Variants in PPP1R9A observed in about 807,000 individuals in gnomAD.
The protein encoded by PPP1R9A is protein phosphatase 1 regulatory subunit 9A, also known as neurabin-1.
A neutral mutation model predicts 141.9 loss-of-function variants in PPP1R9A; 59 were observed. That is an observed-to-expected ratio of 0.42 (90% CI 0.34 to 0.52). The LOEUF (loss-of-function observed/expected upper bound fraction) is 0.52, where lower values mean the gene tolerates loss of function less well. Among genes scored for constraint, PPP1R9A ranks in the 20% least tolerant of loss-of-function variants. PPP1R9A has a pLI of 0.10. For missense variants in PPP1R9A, 1,444 were observed against 1,611.9 expected (o/e 0.90, Z 1.78); for synonymous variants, 500 against 569.7 (o/e 0.88, Z 1.74).
chr7:94,967,649 G>A (rs2151189154), intron 2 of PPP1R9A, among the ~76,000 whole-genome samples: 1 of 151,246 alleles, frequency 6.6e-6, no homozygotes, highest in Non-Finnish European at 1.5e-5. Context: ...CTTTTTTTTT[G>A]TTTTGAGGTG....
At chr7:95,271,429 G>A (rs1411901795) in intron 14 of PPP1R9A, among the ~76,000 whole-genome samples, 1 of 152,176 alleles carries the variant, frequency 6.6e-6, no homozygotes, top group Non-Finnish European at 1.5e-5. Flanking sequence ...AGGTAAGAAA[G>A]TGAGGCAAAA....
chr7:95,009,714 T>A (rs1804142093), intron 2 of PPP1R9A, among the ~76,000 whole-genome samples: 1 of 152,168 alleles, frequency 6.6e-6, no homozygotes, highest in Non-Finnish European at 1.5e-5. Flanking sequence ...TGACAGCCAG[T>A]TGAAATGAAA....
chr7:95,228,735 T>C (rs1795492200), intron 8 of PPP1R9A, among the ~76,000 whole-genome samples: 1 of 152,196 alleles, frequency 6.6e-6, no homozygotes, highest in Non-Finnish European at 1.5e-5. Flanking sequence ...GTTAAACTAG[T>C]AAATTTCTAG....
At chr7:95,210,991 C>T (rs1791991531) in intron 7 of PPP1R9A, among the ~76,000 whole-genome samples, 1 of 151,578 alleles carries the variant, frequency 6.6e-6, no homozygotes, top group South Asian at 2.1e-4. Context: ...ACACTGGGGC[C>T]CGTCAGAGGG....
chr7:95,060,860 A>C (rs1812130568), intron 2 of PPP1R9A, among the ~76,000 whole-genome samples: 1 of 152,192 alleles, frequency 6.6e-6, no homozygotes. Context: ...TAACCTGACT[A>C]TACAGTCTCC....
chr7:95,102,931 A>AGTCATCTAG (rs2152408836), intron 2 of PPP1R9A, among the ~76,000 whole-genome samples: 1 of 152,316 alleles, frequency 6.6e-6, no homozygotes, highest in South Asian at 2.1e-4. Context: ...AGAGTCTATG[A>AGTCATCTAG]AGTATCTTTT....
chr7:95,219,467 G>A (rs1486312850), intron 7 of PPP1R9A, among the ~76,000 whole-genome samples: 1 of 152,080 alleles, frequency 6.6e-6, no homozygotes, highest in East Asian at 1.9e-4. Flanking sequence ...TCTTCTCAAG[G>A]AGTATCTTTG....
At chr7:94,948,015 A>G (rs1328419917) in intron 2 of PPP1R9A, among the ~76,000 whole-genome samples, 1 of 152,004 alleles carries the variant, frequency 6.6e-6, no homozygotes, top group Admixed American at 6.6e-5. Flanking sequence ...GGACCCATCC[A>G]CCTGATGCTC....
intron 2 of PPP1R9A, among the ~76,000 whole-genome samples, chr7:95,100,964 T>C (rs1818706055): frequency 6.8e-6 from 1 of 147,546 alleles, no homozygotes; most frequent in African/African-American, 2.5e-5. Flanking sequence ...GCCATTCTCC[T>C]GCCTCAGCCT....
intron 4 of PPP1R9A, among the ~76,000 whole-genome samples, chr7:95,152,688 TG>T (rs1384319078): frequency 6.6e-6 from 1 of 152,148 alleles, no homozygotes; most frequent in African/African-American, 2.4e-5. Flanking sequence ...TTCTTAAAAC[TG>T]TCCCTGCTAA....
chr7:94,908,708 G>A (rs1053192022), intron 1 of PPP1R9A: 2 of 152,280 alleles, frequency 1.3e-5, no homozygotes, highest in African/African-American at 2.4e-5. Flanking sequence ...GGAATGGGGG[G>A]TGTGTGTAGG....
At position 95,286,965 on chromosome 7, in the gene PPP1R9A, C is replaced by CT. The variant is rs3214161; in HGVS notation, c.3729+650dup. On this transcript the variant is annotated intron_variant, in intron 18 of 19. Coordinates refer to ENST00000433360, the MANE Select transcript of PPP1R9A (RefSeq NM_001166160.2). ...CTAACATGATTTTTTATTCACAAAA[C>CT]TTTTTTTTTTCTTGTAAGCTTTTCT... 8.8e-3 allele frequency: 6,637 copies of CT among 751,284 alleles called. 22 individuals carry two copies. Among genetic ancestry groups the CT allele is most frequent in the African/African-American group, 0.03 (1,642 of 55,180 alleles). 46.5% of individuals were successfully genotyped at this position (751,284 alleles called of 1,614,324 possible). A position where few individuals can be genotyped will look rare whatever the true frequency, so the allele number is the denominator to read the frequency against.
intron 2 of PPP1R9A, among the ~76,000 whole-genome samples, chr7:94,933,330 T>G (rs932598690): frequency 3.3e-5 from 5 of 152,138 alleles, no homozygotes; most frequent in African/African-American, 1.2e-4. Flanking sequence ...CAAGGTGAAA[T>G]TAACATATTC....
chr7:94,931,635 A>G (rs1042768021), intron 2 of PPP1R9A, among the ~76,000 whole-genome samples: 1 of 152,044 alleles, frequency 6.6e-6, no homozygotes, highest in Admixed American at 6.6e-5. Context: ...CTGGAGTACA[A>G]TGGTGCAACC....
In PPP1R9A at chr7:94,911,526, AT is replaced by A. The variant is rs1562981200; in HGVS notation, c.1395+22del. On this transcript the variant is annotated intron_variant, in intron 2 of 19. Transcript: ENST00000433360. ...CTATTAAGGTAAGTGTGTTTTCTCC[AT>A]TTTGTTTTCTAAATTTGTTTTTAGT... is the stretch of plus-strand genomic sequence containing the variant. The A allele has an allele frequency of 6.4e-7, 1 of 1,568,568 alleles. No homozygotes were observed. The highest frequency in any genetic ancestry group is 1.7e-5 in the Admixed American group (1 of 58,110).
intron 2 of PPP1R9A, among the ~76,000 whole-genome samples, chr7:94,984,668 G>A (rs1037739284): frequency 6.6e-6 from 1 of 151,886 alleles, no homozygotes; most frequent in Non-Finnish European, 1.5e-5. Flanking sequence ...CCTTGAGATC[G>A]GTGGTGATAT....
chr7:94,999,772 TCTTATTTTA>T (rs1415463087), intron 2 of PPP1R9A, among the ~76,000 whole-genome samples: 1 of 143,306 alleles, frequency 7.0e-6, no homozygotes, highest in Non-Finnish European at 1.5e-5. Flanking sequence ...AGCTGAGATA[TCTTATTTTA>T]TTTATTTATT....
intron 6 of PPP1R9A, among the ~76,000 whole-genome samples, chr7:95,200,301 C>G (rs924234157): frequency 6.7e-6 from 1 of 150,260 alleles, no homozygotes. Flanking sequence ...GGGTCTTGCT[C>G]TGCCACCCAG....
At chr7:95,209,948 G>A (rs1486108899) in intron 7 of PPP1R9A, among the ~76,000 whole-genome samples, 1 of 152,134 alleles carries the variant, frequency 6.6e-6, no homozygotes, top group Non-Finnish European at 1.5e-5. Flanking sequence ...ATCAGAATAA[G>A]TACTTCATTG....
Sources: allele counts gnomAD v4.1 joint callset (sites outside exome capture counted in the v4.1 genomes callset), GRCh38; gene constraint gnomAD v4.1.1; transcripts MANE v1.5; gene names NCBI Gene and HGNC (gene_info 2026-07-23, HGNC 2026-07-21).